Variants in LDLRAD2 observed in about 807,000 individuals in gnomAD.
LDLRAD2 encodes low density lipoprotein receptor class A domain containing 2.
In LDLRAD2, 25 loss-of-function variants were observed where a neutral mutation model predicts 24.9. That is an observed-to-expected ratio of 1.00 (90% CI 0.73 to 1.40). LDLRAD2 has a LOEUF of 1.40. Among genes scored for constraint, LDLRAD2 ranks in the 40% most tolerant of loss-of-function variants. The probability of loss-of-function intolerance (pLI) is 0.00; values close to 1 mark genes in which losing one functional copy is unlikely to be tolerated. For synonymous variants in LDLRAD2, 182 were observed against 166.7 expected, an observed-to-expected ratio of 1.09 and a Z score of -0.71; for missense variants, 391 against 366.2, an observed-to-expected ratio of 1.07 and a Z score of -0.55.
At position 21,815,967 on chromosome 1, in the gene LDLRAD2, G is replaced by A; in HGVS notation, c.536G>A (p.Cys179Tyr). 2 of 1,613,970 alleles carry A rather than the reference G, an allele frequency of 1.2e-6. No individual in the cohort carries two copies. Among genetic ancestry groups the A allele is most frequent in the South Asian group, 2.2e-5 (2 of 91,078 alleles). Reference sequence around the variant, plus strand: ...GGACCTTGTGGTGCCTACTTCCGCTGCCAGAATGGCAGGTGCATCCCCTCA... The same window carrying A: ...GGACCTTGTGGTGCCTACTTCCGCTACCAGAATGGCAGGTGCATCCCCTCA... ...RLGPCGAYFR[C>Y]QNGRCIPSSL... Residue 179 changes from cysteine to tyrosine, a missense_variant, in exon 3 of 5, where the codon TGC (cysteine) becomes TAC (tyrosine). Coordinates refer to ENST00000344642, the MANE Select transcript of LDLRAD2 (RefSeq NM_001013693.3).
intron 4 of LDLRAD2, 138 bp from the exon 5 acceptor site, chr1:21,822,064 C>T (rs2097952955): frequency 1.3e-6 from 2 of 1,530,744 alleles, no homozygotes; most frequent in Non-Finnish European, 8.8e-7. Context: ...GGCCCCCTAA[C>T]CCTCTGAGAC....
rs1265727963 is a variant in LDLRAD2 at position 21,823,569 on chromosome 1, G to A, written c.*1354G>A. The stretch of plus-strand genomic sequence containing the variant: ...AAGGCTGGGCGAGCTCTAGCCCTAA[G>A]GGAGTGCCGTTCCTGCCCCTGCCCT... On this transcript the variant is annotated 3_prime_UTR_variant, in exon 5 of 5. Transcript: ENST00000344642. The A allele has an allele frequency of 1.7e-5, 27 of 1,609,846 alleles. No homozygotes were observed. Among genetic ancestry groups the A allele is most frequent in the Non-Finnish European group, 2.1e-5 (25 of 1,176,876 alleles).
In LDLRAD2 at chr1:21,824,776, G is replaced by T; in HGVS notation, c.*2561G>T. 1 of 1,611,864 alleles carries T rather than the reference G, an allele frequency of 6.2e-7. No individual in the cohort carries two copies. The highest frequency in any genetic ancestry group is 8.5e-7 in the Non-Finnish European group (1 of 1,179,110). ...GAAATAGGCTCCGTACTGCCCAGGG[G>T]CATCTGTGGGAGAGAGGAGGGTGGT... On this transcript the variant is annotated 3_prime_UTR_variant, in exon 5 of 5. Transcript: ENST00000344642. This position sits in a 1 kb window ranked among gnomAD's most constrained non-coding sequence, Gnocchi z 5.9.
At chr1:21,820,398 C>T (rs944731158) in intron 3 of LDLRAD2, among the ~76,000 whole-genome samples, 2 of 151,926 alleles carry the variant, frequency 1.3e-5, no homozygotes, top group African/African-American at 4.8e-5. Flanking sequence ...TGGCGGGCAC[C>T]TGTAGTCCCG....
chr1:21,822,586 C>A lies in LDLRAD2; in HGVS notation c.*371C>A. On this transcript the variant is annotated 3_prime_UTR_variant, in exon 5 of 5. Transcript: ENST00000344642. ...TGGGCGGGGCCCGGTGGGCGGGGCC[C>A]TATCAGTGCTGGGCTCTGCCTGTAG... The A allele has an allele frequency of 3.2e-6, 1 of 314,932 alleles. No homozygotes were observed. The allele number at this position is 314,932 out of a possible 1,614,324, so 19.5% of individuals were successfully genotyped here. A position where few individuals can be genotyped will look rare whatever the true frequency, so the allele number is the denominator to read the frequency against.
chr1:21,819,788 T>C (rs1557656630), intron 3 of LDLRAD2, among the ~76,000 whole-genome samples: 1 of 152,100 alleles, frequency 6.6e-6, no homozygotes, highest in East Asian at 1.9e-4. Flanking sequence ...AAAAAACACC[T>C]GAGACTGGGT....
chr1:21,815,625 A>G (rs186132688), intron 2 of LDLRAD2, among the ~76,000 whole-genome samples: 1 of 152,326 alleles, frequency 6.6e-6, no homozygotes, highest in African/African-American at 2.4e-5. Context: ...AACAACAAAA[A>G]ATAATTTAAA....
In LDLRAD2 at chr1:21,821,627, T is replaced by C. The variant is rs371467999; in HGVS notation, c.805+16T>C. 4.7e-5 allele frequency: 75 copies of C among 1,610,818 alleles called. No homozygotes were observed. Among genetic ancestry groups the C allele is most frequent in the Non-Finnish European group, 6.2e-5 (73 of 1,177,588 alleles). On this transcript the variant is annotated intron_variant, in intron 4 of 4. Transcript: ENST00000344642. The stretch of plus-strand genomic sequence containing the variant: ...GCTTTGGAAGGTTACACCTTGCTCC[T>C]ACTCTTCCCACCAAAATCATACCTG...
At position 21,815,792 on chromosome 1, in the gene LDLRAD2, C is replaced by T. The variant is rs115649890; in HGVS notation, c.512-151C>T. The stretch of plus-strand genomic sequence containing the variant: ...TAGCTGCCATCCTCCACCCTCCTCC[C>T]CATGAAACACTCATCCATGTTCTCA... On this transcript the variant is annotated intron_variant, in intron 2 of 4. Coordinates refer to ENST00000344642, the MANE Select transcript of LDLRAD2 (RefSeq NM_001013693.3). The T allele has an allele frequency of 4.9e-4, 425 of 861,630 alleles. 1 individual carries two copies. In the African/African-American group the frequency reaches 6.2e-3, roughly 13 times the overall value. The allele number at this position is 861,630 out of a possible 1,614,324, so 53.4% of individuals were successfully genotyped here.
At chr1:21,812,746 A>T (rs2097939848) in intron 1 of LDLRAD2, among the ~76,000 whole-genome samples, 1 of 152,226 alleles carries the variant, frequency 6.6e-6, no homozygotes, top group Non-Finnish European at 1.5e-5. Context: ...ACCTAGAAGC[A>T]GGAGTCTGGG....
chr1:21,820,541 A>AG (rs2097949844), intron 3 of LDLRAD2, among the ~76,000 whole-genome samples: 1 of 143,170 alleles, frequency 7.0e-6, no homozygotes, highest in South Asian at 2.2e-4. Context: ...AAAAAAAAAA[A>AG]GAAAAGAAAA....
intron 3 of LDLRAD2, among the ~76,000 whole-genome samples, chr1:21,818,084 A>C (rs112549392): frequency 4.4e-4 from 55 of 124,954 alleles, no homozygotes; most frequent in East Asian, 1.2e-3. Context: ...TCCATGTTGG[A>C]CAGGCTGGTC....
At position 21,824,057 on chromosome 1, in the gene LDLRAD2, G is replaced by A. The variant is rs556426564; in HGVS notation, c.*1842G>A. On this transcript the variant is annotated 3_prime_UTR_variant, in exon 5 of 5. Transcript: ENST00000344642. This position sits in a 1 kb window ranked among gnomAD's most constrained non-coding sequence, Gnocchi z 5.9. ...AATACCTGCCTCTCTGCCCATGGTA[G>A]GGGGCGTCCTGCCCCACTCCAGAAC... 9.2e-6 allele frequency: 13 copies of A among 1,419,238 alleles called. No individual in the cohort carries two copies. Among genetic ancestry groups the A allele is most frequent in the Middle Eastern group, 2.4e-4 (1 of 4,220 alleles). The allele number at this position is 1,419,238 out of a possible 1,614,324, so 87.9% of individuals were successfully genotyped here. A position where few individuals can be genotyped will look rare whatever the true frequency, so the allele number is the denominator to read the frequency against.
Position 21,814,650 on chromosome 1 carries a change from T to A in LDLRAD2, c.338T>A (p.Leu113Gln). 3.8e-6 allele frequency: 6 copies of A among 1,598,890 alleles called. No homozygotes were observed. Among genetic ancestry groups the A allele is most frequent in the Non-Finnish European group, 5.1e-6 (6 of 1,173,208 alleles). Residue 113 changes from leucine to glutamine, a missense_variant, in exon 2 of 5, where the codon CTG (leucine) becomes CAG (glutamine). Leu to Gln is a moderately radical substitution (Grantham distance 113). Transcript: ENST00000344642. Reference protein sequence around the residue: ...PADPCAPGSYLQFYEGPPGAP... With the variant: ...PADPCAPGSYQQFYEGPPGAP... ...GACCCGTGCGCCCCCGGCTCCTACC[T>A]GCAGTTCTACGAGGGCCCGCCGGGG... is the stretch of plus-strand genomic sequence containing the variant.
In LDLRAD2 at chr1:21,822,233, C is replaced by G; in HGVS notation, c.*18C>G. 1 of 1,611,726 alleles carries G rather than the reference C, an allele frequency of 6.2e-7. No homozygotes were observed. The highest frequency in any genetic ancestry group is 1.7e-5 in the Admixed American group (1 of 60,024). ...CTGAGTGAAGCCCTCATCAAAGACTCAGGAGGCCCCTGGCGGGGATAGCAC... is the reference window on the plus strand; with the variant it reads ...CTGAGTGAAGCCCTCATCAAAGACTGAGGAGGCCCCTGGCGGGGATAGCAC... On this transcript the variant is annotated 3_prime_UTR_variant, in exon 5 of 5. Transcript: ENST00000344642.
chr1:21,814,620 C>T lies in LDLRAD2; in HGVS notation c.308C>T (p.Pro103Leu), dbSNP rs1210099641. Residue 103 changes from proline to leucine, a missense_variant, in exon 2 of 5, where the codon CCG becomes CTG. By Grantham distance (98) the Pro-to-Leu change is moderately conservative. Transcript: ENST00000344642. ...PPALNTSSPA[P>L]ADPCAPGSYL... Reference sequence around the variant, plus strand: ...GCGCTCAACACCTCCTCCCCGGCCCCGGCCGACCCGTGCGCCCCCGGCTCC... The same window carrying T: ...GCGCTCAACACCTCCTCCCCGGCCCTGGCCGACCCGTGCGCCCCCGGCTCC... 1 of 1,609,712 alleles carries T rather than the reference C, an allele frequency of 6.2e-7. No individual in the cohort carries two copies. The highest frequency in any genetic ancestry group is 8.5e-7 in the Non-Finnish European group (1 of 1,178,274).
At chr1:21,819,395 CTT>C (rs1289431766) in intron 3 of LDLRAD2, among the ~76,000 whole-genome samples, 7 of 151,800 alleles carry the variant, frequency 4.6e-5, no homozygotes, top group Non-Finnish European at 1.0e-4. Context: ...TTATTAGTAA[CTT>C]ATTATTATAT....
At chr1:21,820,890 G>A (rs1165740507) in intron 3 of LDLRAD2, among the ~76,000 whole-genome samples, 2 of 152,152 alleles carry the variant, frequency 1.3e-5, no homozygotes, top group African/African-American at 2.4e-5. Flanking sequence ...ACAGAGTGTG[G>A]TGCTTGATGC....
chr1:21,823,791 T>A lies in LDLRAD2; in HGVS notation c.*1576T>A. The A allele has an allele frequency of 8.6e-7, 1 of 1,162,684 alleles. No homozygotes were observed. Among genetic ancestry groups the A allele is most frequent in the Non-Finnish European group, 1.3e-6 (1 of 778,382 alleles). 72.0% of individuals were successfully genotyped at this position (1,162,684 alleles called of 1,614,324 possible). A position where few individuals can be genotyped will look rare whatever the true frequency, so the allele number is the denominator to read the frequency against. Reference sequence around the variant, plus strand: ...TCCCCGGCCCCACGACAGAGTCCCCTCCCTCTGATATCGAGACTCCAGACT... The same window carrying A: ...TCCCCGGCCCCACGACAGAGTCCCCACCCTCTGATATCGAGACTCCAGACT... On this transcript the variant is annotated 3_prime_UTR_variant, in exon 5 of 5. Transcript: ENST00000344642.
Sources: gnomAD v4.1 joint callset for allele counts (sites outside exome capture counted in the v4.1 genomes callset) on GRCh38, gnomAD v4.1.1 for gene constraint, Gnocchi (gnomAD v3.1) non-coding constraint, MANE v1.5 for transcripts, NCBI Gene and HGNC (gene_info 2026-07-23, HGNC 2026-07-21) for gene names.